Variants in CNTN5 observed in about 807,000 individuals in gnomAD.
CNTN5 encodes contactin 5, also known as contactin-5.
A neutral mutation model predicts 129.1 loss-of-function variants in CNTN5; 77 were observed. The ratio of observed to expected loss-of-function variants is 0.60; its 90% CI spans 0.50 to 0.72. The LOEUF (loss-of-function observed/expected upper bound fraction) is 0.72. Ranked by LOEUF, CNTN5 falls within the 30% of genes least tolerant of loss-of-function variation. The pLI is 0.00. For synonymous variants in CNTN5, 509 were observed against 465.6 expected (o/e 1.09, Z -1.20); for missense variants, 1,478 against 1,328.8 (o/e 1.11, Z -1.75).
intron 1 of CNTN5, among the ~76,000 whole-genome samples, chr11:99,055,182 T>G (rs1864580824): frequency 6.6e-6 from 1 of 152,060 alleles, no homozygotes; most frequent in Admixed American, 6.6e-5. Flanking sequence ...TAGTCAGTAA[T>G]CCCATTATGC....
chr11:100,265,353 A>G (rs771397857), intron 17 of CNTN5, among the ~76,000 whole-genome samples: 44 of 152,140 alleles, frequency 2.9e-4, no homozygotes, highest in Non-Finnish European at 2.5e-4. Context: ...TGCATGCTCC[A>G]AAATAGCTCT....
chr11:99,943,636 A>G (rs772027046), intron 7 of CNTN5, among the ~76,000 whole-genome samples: 5 of 149,750 alleles, frequency 3.3e-5, no homozygotes, highest in Non-Finnish European at 7.5e-5. Context: ...GATATTGCCT[A>G]GGTTTTCTTC....
chr11:100,143,080 C>G (rs573472103), intron 13 of CNTN5, among the ~76,000 whole-genome samples: 2 of 152,236 alleles, frequency 1.3e-5, no homozygotes, highest in South Asian at 4.1e-4. Context: ...ATTCCAAAAT[C>G]TGAAAAAATT....
intron 3 of CNTN5, among the ~76,000 whole-genome samples, chr11:99,760,754 T>C (rs1421152355): frequency 2.0e-5 from 3 of 152,112 alleles, no homozygotes; most frequent in Non-Finnish European, 4.4e-5. Flanking sequence ...TTTCTTGTCA[T>C]ATTCCTAACT....
intron 9 of CNTN5, among the ~76,000 whole-genome samples, chr11:100,043,153 A>G (rs1942470247): frequency 6.6e-6 from 1 of 152,222 alleles, no homozygotes; most frequent in South Asian, 2.1e-4. Flanking sequence ...TTAAATCTTA[A>G]ACACTTACAA....
At chr11:99,882,766 T>C (rs1430280792) in intron 6 of CNTN5, among the ~76,000 whole-genome samples, 2 of 152,222 alleles carry the variant, frequency 1.3e-5, no homozygotes, top group Non-Finnish European at 2.9e-5. Flanking sequence ...TATTATTCGC[T>C]ATAGTTAGCC....
intron 1 of CNTN5, among the ~76,000 whole-genome samples, chr11:99,165,595 G>C (rs1235206483): frequency 6.6e-6 from 1 of 152,064 alleles, no homozygotes; most frequent in Non-Finnish European, 1.5e-5. Context: ...CAACTCAAAG[G>C]GTACATTAAT....
intron 3 of CNTN5, among the ~76,000 whole-genome samples, chr11:99,767,576 G>C (rs951046022): frequency 6.7e-6 from 1 of 150,124 alleles, no homozygotes; most frequent in African/African-American, 2.4e-5. Flanking sequence ...GATTTTTTTG[G>C]AAAAGCTTCT....
chr11:100,344,343 T>C (rs1361501529), intron 23 of CNTN5, among the ~76,000 whole-genome samples: 1 of 152,166 alleles, frequency 6.6e-6, no homozygotes, highest in Non-Finnish European at 1.5e-5. Context: ...AAGTAGATAT[T>C]TTCCCCATAT....
chr11:99,765,197 A>C (rs1944712121), intron 3 of CNTN5, among the ~76,000 whole-genome samples: 1 of 152,046 alleles, frequency 6.6e-6, no homozygotes, highest in Non-Finnish European at 1.5e-5. Context: ...ACTAAGAAAC[A>C]GTTGTTTAAG....
rs1949370395 is a variant in CNTN5 at position 100,226,131 on chromosome 11, T to A, written c.2005+1319T>A. Among the ~76,000 whole-genome samples the A allele has an allele frequency of 3.3e-5, 5 of 152,144 alleles. No individual in the cohort carries two copies. In the South Asian group the frequency reaches 1.0e-3, roughly 31 times the overall value. ...AAACACCAACTTTTTAAAGTATTCA[T>A]CCTTTCAATACATTCTATTCCATTT... On this transcript the variant is annotated intron_variant, in intron 16 of 24. Coordinates refer to ENST00000524871, the MANE Select transcript of CNTN5 (RefSeq NM_014361.4).
intron 7 of CNTN5, among the ~76,000 whole-genome samples, chr11:99,923,624 G>A (rs1280621281): frequency 6.6e-6 from 1 of 152,210 alleles, no homozygotes; most frequent in East Asian, 1.9e-4. Flanking sequence ...TGGTAATCTA[G>A]TTTTAGTTCT....
At chr11:99,880,946 T>G (rs1381999702) in intron 6 of CNTN5, among the ~76,000 whole-genome samples, 1 of 152,208 alleles carries the variant, frequency 6.6e-6, no homozygotes, top group East Asian at 1.9e-4. Context: ...TTATAAAGTG[T>G]ACCTAAAAAT....
At chr11:99,362,684 T>G (rs994128567) in intron 2 of CNTN5, among the ~76,000 whole-genome samples, 1 of 151,530 alleles carries the variant, frequency 6.6e-6, no homozygotes, top group Non-Finnish European at 1.5e-5. Context: ...AATACATTTT[T>G]AGTTAATTTT....
chr11:99,083,893 G>A (rs1865900943), intron 1 of CNTN5, among the ~76,000 whole-genome samples: 2 of 152,140 alleles, frequency 1.3e-5, no homozygotes, highest in African/African-American at 4.8e-5. Context: ...CTCTAGGGTT[G>A]AGAGCCCTTA....
intron 2 of CNTN5, among the ~76,000 whole-genome samples, chr11:99,516,161 C>T (rs1054808372): frequency 2.0e-5 from 3 of 151,898 alleles, no homozygotes; most frequent in Non-Finnish European, 4.4e-5. Flanking sequence ...ATTTACAATA[C>T]TCATAAATAT....
chr11:99,735,765 C>T (rs901466990), intron 3 of CNTN5, among the ~76,000 whole-genome samples: 1 of 152,124 alleles, frequency 6.6e-6, no homozygotes, highest in African/African-American at 2.4e-5. Flanking sequence ...TATTCATCAC[C>T]TCATACGGTT....
At chr11:99,216,567 C>A (rs1860127145) in intron 1 of CNTN5, among the ~76,000 whole-genome samples, 1 of 151,618 alleles carries the variant, frequency 6.6e-6, no homozygotes, top group Admixed American at 6.6e-5. Context: ...ATAATATAAT[C>A]CATCATACGC....
intron 3 of CNTN5, among the ~76,000 whole-genome samples, chr11:99,686,137 G>A (rs536569498): frequency 7.9e-5 from 12 of 151,938 alleles, no homozygotes; most frequent in African/African-American, 2.4e-4. Context: ...ATTTTATTAT[G>A]TATATATCTT....
Sources: allele counts gnomAD v4.1 joint callset (sites outside exome capture counted in the v4.1 genomes callset), GRCh38; gene constraint gnomAD v4.1.1; transcripts MANE v1.5; gene names NCBI Gene and HGNC (gene_info 2026-07-23, HGNC 2026-07-21).